The following HHAT variants were observed in gnomAD, a reference collection of about 807,000 sequenced individuals.
HHAT encodes protein-cysteine N-palmitoyltransferase HHAT.
In HHAT, 47 loss-of-function variants were observed where a neutral mutation model predicts 70.8. That is an observed-to-expected ratio of 0.66 (90% CI 0.53 to 0.85). The LOEUF (loss-of-function observed/expected upper bound fraction) is 0.85, where lower values mean the gene tolerates loss of function less well. Ranked by LOEUF, HHAT falls within the 40% of genes least tolerant of loss-of-function variation. HHAT has a pLI of 0.00. For synonymous variants in HHAT, 228 were observed against 247.6 expected, an observed-to-expected ratio of 0.92 and a Z score of 0.74; for missense variants, 609 against 604.8, an observed-to-expected ratio of 1.01 and a Z score of -0.07.
chr1:210,383,212 C>T (rs1039205222), intron 3 of HHAT, among the ~76,000 whole-genome samples: 1 of 151,978 alleles, frequency 6.6e-6, no homozygotes, highest in African/African-American at 2.4e-5. Context: ...TGGTGGTATG[C>T]ACCTGTAGTC....
intron 7 of HHAT, among the ~76,000 whole-genome samples, chr1:210,441,773 A>AAT (rs150604202): frequency 3.3e-5 from 5 of 152,222 alleles, no homozygotes; most frequent in South Asian, 2.1e-4. Context: ...ACACACAATA[A>AAT]ATATATATAT....
At chr1:210,369,404 T>C (rs1486272490) in intron 3 of HHAT, among the ~76,000 whole-genome samples, 2 of 152,206 alleles carry the variant, frequency 1.3e-5, no homozygotes, top group East Asian at 1.9e-4. Flanking sequence ...CGAATGACTA[T>C]GAACATAGAT....
intron 9 of HHAT, among the ~76,000 whole-genome samples, chr1:210,544,940 T>C (rs1311294931): frequency 6.6e-6 from 1 of 152,136 alleles, no homozygotes; most frequent in East Asian, 1.9e-4. Context: ...TACCTATGTC[T>C]CCCAAATGTT....
chr1:210,577,136 A>C (rs1657982965), intron 9 of HHAT, among the ~76,000 whole-genome samples: 1 of 151,704 alleles, frequency 6.6e-6, no homozygotes, highest in African/African-American at 2.4e-5. Flanking sequence ...AAACAGACAT[A>C]ATGTTATTTC....
At chr1:210,452,622 A>T (rs2093777966) in intron 7 of HHAT, among the ~76,000 whole-genome samples, 1 of 152,238 alleles carries the variant, frequency 6.6e-6, no homozygotes, top group South Asian at 2.1e-4. Context: ...AGAAAACAGA[A>T]CATGGCAGAG....
chr1:210,354,559 T>A (rs2087416204), intron 2 of HHAT, among the ~76,000 whole-genome samples: 1 of 152,162 alleles, frequency 6.6e-6, no homozygotes, highest in South Asian at 2.1e-4. Context: ...ACAAGCTCTC[T>A]CTATGTTGCT....
intron 9 of HHAT, among the ~76,000 whole-genome samples, chr1:210,522,025 A>G (rs1456938922): frequency 2.6e-5 from 4 of 152,352 alleles, no homozygotes; most frequent in South Asian, 2.1e-4. Context: ...CTCAGAGGCA[A>G]AAATACTTGC....
chr1:210,414,724 A>G (rs1295801819), intron 6 of HHAT, among the ~76,000 whole-genome samples: 1 of 152,186 alleles, frequency 6.6e-6, no homozygotes, highest in Non-Finnish European at 1.5e-5. Context: ...TGATTTAAAA[A>G]AGAACCAATT....
chr1:210,443,104 C>T (rs2093559256), intron 7 of HHAT, among the ~76,000 whole-genome samples: 1 of 152,116 alleles, frequency 6.6e-6, no homozygotes, highest in African/African-American at 2.4e-5. Context: ...AACAGGGAAT[C>T]CTTTCCCCAT....
intron 8 of HHAT, among the ~76,000 whole-genome samples, chr1:210,482,358 T>C (rs569988759): frequency 1.2e-4 from 19 of 152,320 alleles, no homozygotes; most frequent in Admixed American, 9.8e-4. Context: ...TATCTGAAAA[T>C]GTGCTGCCAC....
intron 7 of HHAT, among the ~76,000 whole-genome samples, chr1:210,457,077 A>G (rs1047287666): frequency 5.9e-5 from 9 of 152,028 alleles, no homozygotes; most frequent in Non-Finnish European, 1.3e-4. Flanking sequence ...GGCAATAGCT[A>G]CCTTTTGTTC....
chr1:210,433,362 G>A lies in HHAT; in HGVS notation c.856+15037G>A, dbSNP rs117919204. Among the ~76,000 whole-genome samples the A allele has an allele frequency of 1.8e-3, 272 of 151,948 alleles. 5 individuals carry two copies. In the East Asian group the frequency reaches 0.034, roughly 19 times the overall value. ...TGTGAGCAGCCAGATATCCAGATGA[G>A]TGATTGATACAAGATTTTGCATAAG... On this transcript the variant is annotated intron_variant, in intron 7 of 11. Coordinates refer to ENST00000261458, the MANE Select transcript of HHAT (RefSeq NM_018194.6).
At chr1:210,631,843 A>G (rs185280010) in intron 11 of HHAT, among the ~76,000 whole-genome samples, 2 of 152,212 alleles carry the variant, frequency 1.3e-5, no homozygotes, top group Admixed American at 1.3e-4. Context: ...CTTGAGTGTA[A>G]TTAAGGCACT....
chr1:210,664,769 A>G (rs971534416), intron 11 of HHAT, among the ~76,000 whole-genome samples: 6 of 152,170 alleles, frequency 3.9e-5, no homozygotes, highest in Non-Finnish European at 7.3e-5. Flanking sequence ...CTCTTTTTGT[A>G]GCAGAAGACA....
In HHAT at chr1:210,513,147, G is replaced by C. The variant is rs1342384147; in HGVS notation, c.1008-6G>C. The C allele has an allele frequency of 6.6e-7, 1 of 1,517,926 alleles. No individual in the cohort carries two copies. The highest frequency in any genetic ancestry group is 9.1e-7 in the Non-Finnish European group (1 of 1,099,390). 94.0% of individuals were successfully genotyped at this position (1,517,926 alleles called of 1,614,324 possible). On this transcript the variant is annotated splice_polypyrimidine_tract_variant and splice_region_variant and intron_variant, in intron 8 of 11. Coordinates refer to ENST00000261458, the MANE Select transcript of HHAT (RefSeq NM_018194.6). ...TGATATGCTTGTCTATGTCTCTTTTGAACAGGTATTTTGATGTTGGACTGC... is the reference window on the plus strand; with the variant it reads ...TGATATGCTTGTCTATGTCTCTTTTCAACAGGTATTTTGATGTTGGACTGC...
At chr1:210,346,455 TTAAAAA>T (rs1024143723) in intron 1 of HHAT, among the ~76,000 whole-genome samples, 2 of 152,194 alleles carry the variant, frequency 1.3e-5, no homozygotes, top group Non-Finnish European at 2.9e-5. Flanking sequence ...ATGAAAGTAT[TTAAAAA>T]TAAATTGTGA....
intron 10 of HHAT, among the ~76,000 whole-genome samples, chr1:210,601,551 G>A (rs551452887): frequency 1.3e-5 from 2 of 152,128 alleles, no homozygotes; most frequent in South Asian, 2.1e-4. Flanking sequence ...CATAGTCAAC[G>A]TGGCTATTCA....
chr1:210,530,104 A>T (rs1558099776), intron 9 of HHAT, among the ~76,000 whole-genome samples: 2 of 152,190 alleles, frequency 1.3e-5, no homozygotes, highest in Non-Finnish European at 2.9e-5. Context: ...GCTATGATGC[A>T]GGGTATACAA....
At chr1:210,658,348 G>C (rs1676902627) in intron 11 of HHAT, among the ~76,000 whole-genome samples, 1 of 151,990 alleles carries the variant, frequency 6.6e-6, no homozygotes, top group Admixed American at 6.6e-5. Context: ...TTCTAAAGTA[G>C]ACTTTTATAT....
Sources: allele counts gnomAD v4.1 joint callset (sites outside exome capture counted in the v4.1 genomes callset), GRCh38; gene constraint gnomAD v4.1.1; transcripts MANE v1.5; gene names NCBI Gene and HGNC (gene_info 2026-07-23, HGNC 2026-07-21).